The following ACYP2 variants were observed in gnomAD, a reference collection of about 807,000 sequenced individuals.
ACYP2 encodes the protein acylphosphatase-2.
Under a neutral mutation model 11.2 loss-of-function variants are expected in ACYP2, and 12 were observed. That is an observed-to-expected ratio of 1.08 (90% CI 0.69 to 1.74). ACYP2 has a LOEUF of 1.74. Among genes scored for constraint, ACYP2 ranks in the 40% most tolerant of loss-of-function variants. ACYP2 has a pLI of 0.00. For synonymous variants in ACYP2, 43 were observed against 32.2 expected, an observed-to-expected ratio of 1.33 and a Z score of -1.13; for missense variants, 134 against 101.9, an observed-to-expected ratio of 1.31 and a Z score of -1.35.
intron 6 of ACYP2, among the ~76,000 whole-genome samples, chr2:54,263,623 G>A (rs1573013972): frequency 6.6e-6 from 1 of 151,704 alleles, no homozygotes; most frequent in East Asian, 1.9e-4. Context: ...ACACCCTGTC[G>A]AAAAAAAAGC....
intron 4 of ACYP2, among the ~76,000 whole-genome samples, chr2:54,091,453 T>C (rs1324553977): frequency 1.3e-5 from 2 of 152,090 alleles, no homozygotes; most frequent in African/African-American, 4.8e-5. Context: ...CTCTTTTCTC[T>C]TCAAGTCCCT....
chr2:54,263,642 G>A (rs1435597161), intron 6 of ACYP2, among the ~76,000 whole-genome samples: 2 of 152,080 alleles, frequency 1.3e-5, no homozygotes, highest in East Asian at 3.9e-4. Flanking sequence ...GCTTTGGGTT[G>A]TCCATTGATA....
At chr2:54,228,726 A>G (rs1286061259) in intron 6 of ACYP2, among the ~76,000 whole-genome samples, 1 of 151,982 alleles carries the variant, frequency 6.6e-6, no homozygotes, top group Admixed American at 6.6e-5. Flanking sequence ...AAAAGGAAGG[A>G]AGGGAGGGAG....
At chr2:54,015,194 C>G (rs1351502497) in intron 2 of ACYP2, among the ~76,000 whole-genome samples, 14 of 151,406 alleles carry the variant, frequency 9.2e-5, no homozygotes. Context: ...TGGTGAAAAC[C>G]TGTCTCTGAT....
At chr2:54,136,961 A>C (rs111376618) in intron 5 of ACYP2, among the ~76,000 whole-genome samples, 12 of 152,242 alleles carry the variant, frequency 7.9e-5, no homozygotes, top group African/African-American at 2.9e-4. Context: ...GGACGACAAG[A>C]GTGAAATTCC....
intron 6 of ACYP2, among the ~76,000 whole-genome samples, chr2:54,207,909 G>A (rs1489249856): frequency 2.0e-5 from 3 of 152,152 alleles, no homozygotes; most frequent in African/African-American, 4.8e-5. Context: ...ATACTTAGAA[G>A]AGCGGCCAAA....
intron 6 of ACYP2, among the ~76,000 whole-genome samples, chr2:54,299,782 G>A (rs1689654607): frequency 1.3e-5 from 2 of 152,050 alleles, no homozygotes; most frequent in Non-Finnish European, 2.9e-5. Flanking sequence ...AAAAACTCTG[G>A]CCCAGGCATT....
At chr2:54,169,685 T>G (rs889294527) in intron 6 of ACYP2, among the ~76,000 whole-genome samples, 8 of 152,008 alleles carry the variant, frequency 5.3e-5, no homozygotes, top group Non-Finnish European at 1.0e-4. Context: ...AAACTTACGG[T>G]TTTTTTTCCA....
intron 6 of ACYP2, among the ~76,000 whole-genome samples, chr2:54,203,883 G>A (rs1301451952): frequency 6.6e-6 from 1 of 151,722 alleles, no homozygotes; most frequent in Non-Finnish European, 1.5e-5. Context: ...TCACCTTATA[G>A]ATTATATTAA....
chr2:54,007,257 T>C (rs1673121608), intron 2 of ACYP2, among the ~76,000 whole-genome samples: 1 of 42,602 alleles, frequency 2.3e-5, no homozygotes, highest in East Asian at 2.0e-3. Flanking sequence ...TGGTTTTTCT[T>C]TTTTTTTTTT....
At chr2:54,035,388 T>C (rs1277952963) in intron 2 of ACYP2, among the ~76,000 whole-genome samples, 9 of 146,008 alleles carry the variant, frequency 6.2e-5, no homozygotes, top group South Asian at 2.1e-4. Context: ...GTCTCAGCCT[T>C]CCGAGTAGCT....
intron 4 of ACYP2, among the ~76,000 whole-genome samples, chr2:54,130,358 A>G (rs1225054934): frequency 6.6e-6 from 1 of 152,084 alleles, no homozygotes; most frequent in Non-Finnish European, 1.5e-5. Flanking sequence ...ATCTGGCTGG[A>G]ATGGGGTGAG....
chr2:54,140,940 T>C (rs989489684), intron 6 of ACYP2, among the ~76,000 whole-genome samples: 29 of 152,234 alleles, frequency 1.9e-4, no homozygotes, highest in Non-Finnish European at 3.8e-4. Context: ...ACAATTTACA[T>C]TGTTTTCCTC....
intron 4 of ACYP2, among the ~76,000 whole-genome samples, chr2:54,088,976 A>C (rs1360287634): frequency 6.6e-6 from 1 of 152,220 alleles, no homozygotes; most frequent in African/African-American, 2.4e-5. Context: ...GTTAGATAAG[A>C]CTATTAGATA....
At chr2:54,017,272 C>CTTTT (rs143681564) in intron 2 of ACYP2, among the ~76,000 whole-genome samples, 1 of 123,132 alleles carries the variant, frequency 8.1e-6, no homozygotes, top group East Asian at 2.2e-4. Flanking sequence ...CTTTTCTTTT[C>CTTTT]TTTTTTTTTT....
At chr2:54,125,960 A>G (rs564135788) in intron 4 of ACYP2, among the ~76,000 whole-genome samples, 15 of 151,972 alleles carry the variant, frequency 9.9e-5, no homozygotes, top group African/African-American at 3.4e-4. Context: ...GCACGCCTAT[A>G]ATCCCAGCTA....
At chr2:54,127,269 T>C (rs1316812165) in intron 4 of ACYP2, among the ~76,000 whole-genome samples, 1 of 152,216 alleles carries the variant, frequency 6.6e-6, no homozygotes, top group Non-Finnish European at 1.5e-5. Flanking sequence ...TTTGCATACA[T>C]GGAAATTCAT....
intron 2 of ACYP2, among the ~76,000 whole-genome samples, chr2:54,014,529 C>T (rs1372167448): frequency 6.6e-6 from 1 of 152,010 alleles, no homozygotes; most frequent in Non-Finnish European, 1.5e-5. Flanking sequence ...CCACGTTGGC[C>T]AGGCTGGTCT....
chr2:54,162,888 T>A (rs1682784518), intron 6 of ACYP2, among the ~76,000 whole-genome samples: 1 of 152,074 alleles, frequency 6.6e-6, no homozygotes, highest in Admixed American at 6.5e-5. Flanking sequence ...CTTAGGAGAC[T>A]AAGGTGGGAG....
Sources: allele counts gnomAD v4.1 joint callset (sites outside exome capture counted in the v4.1 genomes callset), GRCh38; gene constraint gnomAD v4.1.1; transcripts MANE v1.5; gene names NCBI Gene and HGNC (gene_info 2026-07-23, HGNC 2026-07-21).